The following DOCK3 variants were observed in gnomAD, a reference collection of about 807,000 sequenced individuals.
DOCK3 encodes dedicator of cytokinesis protein 3.
Under a neutral mutation model 265.6 loss-of-function variants are expected in DOCK3, and 60 were observed. The ratio of observed to expected loss-of-function variants is 0.23; its 90% confidence interval spans 0.18 to 0.28. The LOEUF (loss-of-function observed/expected upper bound fraction) is 0.28. Among genes scored for constraint, DOCK3 ranks in the 10% least tolerant of loss-of-function variants. DOCK3 has a pLI of 1.00. For missense variants in DOCK3, 1,981 were observed against 2,594.3 expected (o/e 0.76, Z 5.14); for synonymous variants, 881 against 938.0 (o/e 0.94, Z 1.11).
chr3:51,266,025 A>G (rs1576593743), intron 23 of DOCK3, among the ~76,000 whole-genome samples: 1 of 152,320 alleles, frequency 6.6e-6, no homozygotes, highest in East Asian at 1.9e-4. Context: ...GCATTCCTAT[A>G]CACCAATAAT....
At chr3:50,912,294 A>G (rs1287871426) in intron 4 of DOCK3, among the ~76,000 whole-genome samples, 1 of 152,072 alleles carries the variant, frequency 6.6e-6, no homozygotes, top group Non-Finnish European at 1.5e-5. Flanking sequence ...CTCCCAAACA[A>G]GCAAAATCTC....
intron 52 of DOCK3, 49 bp downstream of exon 52, chr3:51,380,256 C>CACA: frequency 6.4e-7 from 1 of 1,554,806 alleles, no homozygotes; most frequent in Non-Finnish European, 8.8e-7. Context: ...TGAGTCATCT[C>CACA]GTCTGCTCTA....
chr3:50,989,100 T>C (rs573418529), intron 5 of DOCK3, among the ~76,000 whole-genome samples: 1 of 152,166 alleles, frequency 6.6e-6, no homozygotes, highest in South Asian at 2.1e-4. Context: ...CTCCTGTGGG[T>C]CTCATGCACC....
In DOCK3 at chr3:51,380,693, C is replaced by G. The variant is rs1553618267; in HGVS notation, c.5584-357C>G. On this transcript the variant is annotated intron_variant, in intron 52 of 52. Transcript: ENST00000266037. ...ACAGATTTTAGCAGCAGAATACATT[C>G]CTCTGGTCCACGGCCCACCAGGGTT... is the stretch of plus-strand genomic sequence containing the variant. Among the ~76,000 whole-genome samples the G allele has an allele frequency of 2.0e-5, 3 of 152,160 alleles. No homozygotes were observed. The South Asian group carries it at 6.2e-4, about 32-fold the overall frequency.
At chr3:51,230,016 T>C (rs2090480372) in intron 19 of DOCK3, among the ~76,000 whole-genome samples, 1 of 152,254 alleles carries the variant, frequency 6.6e-6, no homozygotes, top group South Asian at 2.1e-4. Flanking sequence ...CTTAGCTTAA[T>C]GTCCTCCAGT....
At chr3:51,091,507 C>T (rs1157033108) in intron 9 of DOCK3, among the ~76,000 whole-genome samples, 3 of 151,886 alleles carry the variant, frequency 2.0e-5, no homozygotes, top group Admixed American at 6.6e-5. Context: ...CATAGTGAAA[C>T]CCCATCTCTA....
At chr3:50,841,826 CA>C (rs2045857742) in intron 3 of DOCK3, 111 bp downstream of exon 3, 1 of 252,180 alleles carries the variant, frequency 4.0e-6, no homozygotes, top group Non-Finnish European at 8.3e-6. Flanking sequence ...ACAGTAGCCA[CA>C]ATGATTCTTT....
intron 5 of DOCK3, among the ~76,000 whole-genome samples, chr3:51,006,785 CA>C (rs1471755915): frequency 8.5e-5 from 13 of 152,312 alleles, no homozygotes; most frequent in Admixed American, 8.5e-4. Flanking sequence ...CCCCCTACCC[CA>C]CAACAGGCCC....
intron 27 of DOCK3, among the ~76,000 whole-genome samples, chr3:51,305,735 CGT>C (rs113288288): frequency 0.011 from 1,493 of 137,742 alleles, 18 homozygotes; most frequent in African/African-American, 0.026. Flanking sequence ...TGTGTGTGCG[CGT>C]GTGTGTGTGT....
chr3:50,922,732 C>T (rs1399197979), intron 4 of DOCK3, among the ~76,000 whole-genome samples: 1 of 151,256 alleles, frequency 6.6e-6, no homozygotes, highest in African/African-American at 2.4e-5. Flanking sequence ...AAGGTTTATG[C>T]ACTTAGCCAG....
chr3:51,012,305 A>C (rs986619978), intron 5 of DOCK3, among the ~76,000 whole-genome samples: 1 of 152,072 alleles, frequency 6.6e-6, no homozygotes, highest in Non-Finnish European at 1.5e-5. Flanking sequence ...ACCCAGTTCG[A>C]GCTTCGAGGC....
intron 5 of DOCK3, among the ~76,000 whole-genome samples, chr3:50,984,318 G>A (rs148885313): frequency 6.6e-6 from 1 of 152,224 alleles, no homozygotes; most frequent in Non-Finnish European, 1.5e-5. Context: ...GCTCTACCAG[G>A]GAGTTTTATA....
intron 5 of DOCK3, among the ~76,000 whole-genome samples, chr3:50,953,916 C>A (rs987481081): frequency 6.6e-6 from 1 of 152,050 alleles, no homozygotes; most frequent in Non-Finnish European, 1.5e-5. Flanking sequence ...TTTTAAAAGT[C>A]ATTTTTTCTG....
intron 5 of DOCK3, among the ~76,000 whole-genome samples, chr3:50,995,437 G>A (rs1234148659): frequency 6.6e-6 from 1 of 152,186 alleles, no homozygotes; most frequent in Non-Finnish European, 1.5e-5. Context: ...TGTGAACAGC[G>A]ATTATTTGTT....
chr3:51,311,061 T>C (rs2083043022), intron 28 of DOCK3, among the ~76,000 whole-genome samples: 1 of 152,266 alleles, frequency 6.6e-6, no homozygotes, highest in Admixed American at 6.5e-5. Context: ...TTATAAAGAA[T>C]AGAAGGATGA....
intron 26 of DOCK3, 90 bp downstream of exon 26, chr3:51,277,844 C>T: frequency 6.5e-7 from 1 of 1,544,234 alleles, no homozygotes; most frequent in Non-Finnish European, 8.7e-7. Flanking sequence ...ATCCCACCAC[C>T]TTCATCTCAG....
chr3:50,900,741 G>A (rs981879122), intron 4 of DOCK3: 11 of 449,694 alleles, frequency 2.4e-5, no homozygotes, highest in Non-Finnish European at 4.4e-5. Context: ...CTCCTCTGCT[G>A]CAGGTCTGCT....
chr3:50,895,521 A>T (rs1003673885), intron 4 of DOCK3, among the ~76,000 whole-genome samples: 5 of 150,986 alleles, frequency 3.3e-5, no homozygotes, highest in African/African-American at 4.9e-5. Context: ...TCTTTTTAAA[A>T]TTTTTTTATT....
chr3:51,083,272 C>G (rs572896940), intron 7 of DOCK3, among the ~76,000 whole-genome samples: 110 of 152,282 alleles, frequency 7.2e-4, no homozygotes, highest in African/African-American at 2.6e-3. Context: ...CTACCTAACA[C>G]TAAATATACA....
Sources: allele counts gnomAD v4.1 joint callset (sites outside exome capture counted in the v4.1 genomes callset), GRCh38; gene constraint gnomAD v4.1.1; transcripts MANE v1.5; gene names NCBI Gene and HGNC (gene_info 2026-07-23, HGNC 2026-07-21).